The following UGT1A5 variants were observed in gnomAD, a reference collection of about 807,000 sequenced individuals.
The protein encoded by UGT1A5 is UDP glucuronosyltransferase family 1 member A5.
In UGT1A5, 29 loss-of-function variants were observed where a neutral mutation model predicts 40.3. The observed-to-expected ratio is 0.72, with a 90% CI of 0.54 to 0.98. The LOEUF (loss-of-function observed/expected upper bound fraction) is 0.98, where lower values mean the gene tolerates loss of function less well. Among genes scored for constraint, UGT1A5 ranks in the 50% least tolerant of loss-of-function variants. UGT1A5 has a pLI of 0.00. For synonymous variants in UGT1A5, 257 were observed against 262.5 expected (o/e 0.98, Z 0.20); for missense variants, 678 against 677.9 (o/e 1.00, Z 0.00).
chr2:233,736,376 CT>C (rs2078756074), intron 1 of UGT1A5, among the ~76,000 whole-genome samples: 1 of 152,200 alleles, frequency 6.6e-6, no homozygotes, highest in Non-Finnish European at 1.5e-5. Context: ...CATTTAAGGT[CT>C]TCTCTACAGT....
intron 1 of UGT1A5, chr2:233,719,082 G>C: frequency 6.2e-7 from 1 of 1,614,280 alleles, no homozygotes; most frequent in Non-Finnish European, 8.5e-7. Flanking sequence ...GACCCAGAAG[G>C]AATTTGATCG....
At chr2:233,729,112 G>A (rs557523932) in intron 1 of UGT1A5, 4 of 1,612,930 alleles carry the variant, frequency 2.5e-6, no homozygotes, top group East Asian at 2.2e-5. Flanking sequence ...TCAGCTGTCC[G>A]TGTCTTCTGC....
intron 1 of UGT1A5, among the ~76,000 whole-genome samples, chr2:233,735,526 GT>G (rs2078663821): frequency 6.6e-6 from 1 of 152,088 alleles, no homozygotes. Flanking sequence ...GGTAAATATT[GT>G]TATGAGTGAA....
chr2:233,738,576 G>A (rs1326024752), intron 1 of UGT1A5, among the ~76,000 whole-genome samples: 1 of 152,168 alleles, frequency 6.6e-6, no homozygotes, highest in Non-Finnish European at 1.5e-5. Context: ...TTGAGAACTG[G>A]AGCAAAGGTC....
chr2:233,728,573 C>T (rs183295666), intron 1 of UGT1A5, among the ~76,000 whole-genome samples: 6 of 152,150 alleles, frequency 3.9e-5, no homozygotes, highest in Non-Finnish European at 7.3e-5. Flanking sequence ...TATCCTGGTG[C>T]GAAAAACGAC....
At position 233,768,268 on chromosome 2, in the gene UGT1A5, T is replaced by A; in HGVS notation, c.1136T>A (p.Val379Asp). The change falls in exon 4 of 5, where the codon GTT becomes GAT. Residue 379 changes from valine to aspartate, a missense_variant. By Grantham distance (152) the Val-to-Asp change is radical. Coordinates refer to ENST00000373414, the MANE Select transcript of UGT1A5 (RefSeq NM_019078.2). ...AFITHAGSHG[V>D]YESICNGVPM... Reference sequence around the variant, plus strand: ...ATCACCCATGCTGGTTCCCATGGTGTTTATGAAAGCATATGCAATGGCGTT... The same window carrying A: ...ATCACCCATGCTGGTTCCCATGGTGATTATGAAAGCATATGCAATGGCGTT... 1 of 1,614,178 alleles carries A rather than the reference T, an allele frequency of 6.2e-7. No homozygotes were observed. The highest frequency in any genetic ancestry group is 8.5e-7 in the Non-Finnish European group (1 of 1,180,024).
At chr2:233,761,908 A>G (rs535316155) in intron 1 of UGT1A5, among the ~76,000 whole-genome samples, 1 of 152,320 alleles carries the variant, frequency 6.6e-6, no homozygotes, top group South Asian at 2.1e-4. Flanking sequence ...TTGGCTGAGG[A>G]TCTACTGGCA....
rs748267657 is a variant in UGT1A5, at chr2:233,713,425, C to T, written c.434C>T (p.Ser145Phe). ...CTGATCAGGCACCTGCATGCTACTT[C>T]CTTTGATGTGGTTCTAACAGACCCC... ...EALIRHLHAT[S>F]FDVVLTDPFH... is the part of the protein sequence containing the mutation. The change falls in exon 1 of 5, where the codon TCC becomes TTC. Residue 145 changes from serine to phenylalanine, a missense_variant. Ser to Phe is a radical substitution (Grantham distance 155). Transcript: ENST00000373414. The T allele has an allele frequency of 1.8e-5, 29 of 1,614,004 alleles. No homozygotes were observed. Among genetic ancestry groups the T allele is most frequent in the Non-Finnish European group, 2.4e-5 (28 of 1,180,038 alleles).
chr2:233,754,758 C>T (rs1438461710), intron 1 of UGT1A5: 1 of 879,896 alleles, frequency 1.1e-6, no homozygotes, highest in Non-Finnish European at 1.7e-6. Context: ...GGAAGAAAGG[C>T]CCCCACTTCC....
intron 1 of UGT1A5, chr2:233,721,965 A>G (rs58524075): frequency 0.012 from 3,584 of 301,472 alleles, 120 homozygotes; most frequent in African/African-American, 0.073. Flanking sequence ...ATATGCATAC[A>G]TTGATGGCCT....
In UGT1A5 at chr2:233,713,770, A is replaced by C; in HGVS notation, c.779A>C (p.Asp260Ala). The change falls in exon 1 of 5, where the codon GAC (aspartate) becomes GCC (alanine). Residue 260 changes from aspartate (D) to alanine (A), a missense_variant. Transcript: ENST00000373414. Reference protein sequence around the residue: ...SHASVWLFRGDFVMDYPRPIM... With the variant: ...SHASVWLFRGAFVMDYPRPIM... ...GCATCTGTGTGGCTGTTCCGAGGGGACTTTGTGATGGATTACCCCAGGCCG... is the reference window on the plus strand; with the variant it reads ...GCATCTGTGTGGCTGTTCCGAGGGGCCTTTGTGATGGATTACCCCAGGCCG... 3 of 1,613,732 alleles carry C rather than the reference A, an allele frequency of 1.9e-6. No homozygotes were observed. Among genetic ancestry groups the C allele is most frequent in the Non-Finnish European group, 2.5e-6 (3 of 1,179,890 alleles).
intron 1 of UGT1A5, chr2:233,743,112 A>G (rs1313139997): frequency 1.1e-5 from 4 of 354,674 alleles, no homozygotes; most frequent in Non-Finnish European, 1.7e-5. Flanking sequence ...GCTGTTCTGA[A>G]AGTAAAGTTC....
In UGT1A5 at chr2:233,769,362, G is replaced by A. The variant is rs1315939386; in HGVS notation, c.1307+923G>A. On this transcript the variant is annotated intron_variant, in intron 4 of 4. Coordinates refer to ENST00000373414, the MANE Select transcript of UGT1A5 (RefSeq NM_019078.2). The surrounding 1 kb of genome is among the most constrained non-coding windows in gnomAD (Gnocchi z 4.4). ...ACCTTATGGGAAGAAGTGGTGGCCAGTGGTAGATTTCATCCGACAATAGAT... is the reference window on the plus strand; with the variant it reads ...ACCTTATGGGAAGAAGTGGTGGCCAATGGTAGATTTCATCCGACAATAGAT... Among the ~76,000 whole-genome samples, 1 of 152,244 alleles carries A rather than the reference G, an allele frequency of 6.6e-6. No homozygotes were observed.
At chr2:233,748,499 T>C (rs1693956853) in intron 1 of UGT1A5, among the ~76,000 whole-genome samples, 1 of 151,838 alleles carries the variant, frequency 6.6e-6, no homozygotes, top group Admixed American at 6.5e-5. Context: ...GTGATAATTT[T>C]TAGTGGTCCT....
At chr2:233,764,775 G>T (rs1470259138) in intron 1 of UGT1A5, among the ~76,000 whole-genome samples, 1 of 152,162 alleles carries the variant, frequency 6.6e-6, no homozygotes, top group Non-Finnish European at 1.5e-5. Flanking sequence ...AAGGAGTTCA[G>T]AAAAACCATC....
At chr2:233,756,125 T>G (rs922243394) in intron 1 of UGT1A5, 6 of 152,194 alleles carry the variant, frequency 3.9e-5, no homozygotes, top group Non-Finnish European at 7.3e-5. Flanking sequence ...TTTGTAAAAT[T>G]CTCCTGAAAA....
At chr2:233,748,952 T>TC (rs753200268) in intron 1 of UGT1A5, among the ~76,000 whole-genome samples, 4 of 151,666 alleles carry the variant, frequency 2.6e-5, no homozygotes, top group South Asian at 2.1e-4. Flanking sequence ...CCTATCCCAC[T>TC]CCAAGTTTCT....
intron 1 of UGT1A5, among the ~76,000 whole-genome samples, chr2:233,762,131 A>T (rs1026156979): frequency 6.6e-6 from 1 of 152,036 alleles, no homozygotes; most frequent in East Asian, 1.9e-4. Context: ...CCATGTGGGG[A>T]CCTGTGTGAC....
In UGT1A5 at chr2:233,769,245, A is replaced by G. The variant is rs1485950559; in HGVS notation, c.1307+806A>G. 6.6e-6 allele frequency among the ~76,000 whole-genome samples: 1 copy of G among 152,268 alleles called. No homozygotes were observed. The highest frequency in any genetic ancestry group is 2.4e-5 in the African/African-American group (1 of 41,474). The stretch of plus-strand genomic sequence containing the variant: ...ATAAGAGCAAAGGAAAATTTGCTCA[A>G]ATGTGGCCCTGAAAACGATTCAAAG... On this transcript the variant is annotated intron_variant, in intron 4 of 4. Transcript: ENST00000373414. The surrounding 1 kb of genome is among the most constrained non-coding windows in gnomAD (Gnocchi z 4.4).
Sources: gnomAD v4.1 joint callset for allele counts (sites outside exome capture counted in the v4.1 genomes callset) on GRCh38, gnomAD v4.1.1 for gene constraint, Gnocchi (gnomAD v3.1) non-coding constraint, MANE v1.5 for transcripts, NCBI Gene and HGNC (gene_info 2026-07-23, HGNC 2026-07-21) for gene names.